The following KLHL5 variants were observed in gnomAD, a reference collection of about 807,000 sequenced individuals.
KLHL5 encodes the protein kelch like family member 5, also known as kelch-like protein 5.
A neutral mutation model predicts 77.7 loss-of-function variants in KLHL5; 48 were observed. The observed-to-expected ratio is 0.62, with a 90% CI of 0.49 to 0.79. KLHL5 has a LOEUF of 0.79. KLHL5 is among the 30% of genes least tolerant of loss of function. The pLI, the probability that KLHL5 is intolerant of heterozygous loss-of-function variation, is 0.00. For synonymous variants in KLHL5, 260 were observed against 297.0 expected (o/e 0.88, Z 1.28); for missense variants, 723 against 859.7 (o/e 0.84, Z 1.99).
chr4:39,140,696 T>A, the KLHL5 span, among the ~76,000 whole-genome samples: 1 of 152,230 alleles, frequency 6.6e-6, no homozygotes, highest in African/African-American at 2.4e-5. Context: ...TTGAAAATAA[T>A]CTACAAATAA....
rs370624027 is a variant in KLHL5, at chr4:39,125,513, A to G, written c.*4447A>G. Among the ~76,000 whole-genome samples the G allele has an allele frequency of 1.3e-5, 2 of 152,356 alleles. No individual in the cohort carries two copies. The highest frequency in any genetic ancestry group is 3.9e-4 in the East Asian group (2 of 5,188). ...ACACGGCACAATAGAATATTCAGCC[A>G]TAAAGAGAAATGAGGGACTGATACA... On this transcript the variant is annotated 3_prime_UTR_variant, in exon 11 of 11. Transcript: ENST00000504108.
chr4:39,126,182 A>C lies in KLHL5; in HGVS notation c.*5116A>C, dbSNP rs1296237640. On this transcript the variant is annotated 3_prime_UTR_variant, in exon 11 of 11. Transcript: ENST00000504108. ...TCTGTAATATTTGAAATTATTGATA[A>C]CTCTTACACAAAAACAAATATTCAA... 6.6e-6 allele frequency among the ~76,000 whole-genome samples: 1 copy of C among 152,146 alleles called. No individual in the cohort carries two copies. Among genetic ancestry groups the C allele is most frequent in the African/African-American group, 2.4e-5 (1 of 41,422 alleles).
chr4:39,078,260 C>T (rs1481011776), intron 2 of KLHL5, among the ~76,000 whole-genome samples: 1 of 152,048 alleles, frequency 6.6e-6, no homozygotes, highest in African/African-American at 2.4e-5. Context: ...GTGGCAGGTA[C>T]CTGTAATCCC....
intron 9 of KLHL5, 34 bp from the exon 10 acceptor site, chr4:39,115,125 T>G (rs1035117374): frequency 5.1e-6 from 8 of 1,577,178 alleles, no homozygotes; most frequent in Non-Finnish European, 6.9e-6. Flanking sequence ...ATTTTAAGAA[T>G]AATGTCAGCT....
At chr4:39,069,253 G>GAAATACAGT (rs1718181528) in intron 1 of KLHL5, among the ~76,000 whole-genome samples, 1 of 151,928 alleles carries the variant, frequency 6.6e-6, no homozygotes, top group Admixed American at 6.6e-5. Context: ...AGGAGGCTCA[G>GAAATACAGT]AAATACAGTC....
chr4:39,055,346 G>A (rs1004467377), intron 1 of KLHL5, among the ~76,000 whole-genome samples: 2 of 152,218 alleles, frequency 1.3e-5, no homozygotes, highest in African/African-American at 4.8e-5. Flanking sequence ...TTTTTCCTGT[G>A]GTGGACAGAC....
At chr4:39,137,678 TG>T in the KLHL5 span, among the ~76,000 whole-genome samples, 1 of 152,068 alleles carries the variant, frequency 6.6e-6, no homozygotes, top group African/African-American at 2.4e-5. Flanking sequence ...ATTCCAGAGC[TG>T]GGGCATGGAA....
intron 6 of KLHL5, among the ~76,000 whole-genome samples, chr4:39,099,099 A>G (rs1475847057): frequency 6.6e-6 from 1 of 152,080 alleles, no homozygotes; most frequent in Admixed American, 6.6e-5. Context: ...CCTGGCCAAC[A>G]TGGCGAAACC....
At chr4:39,133,123 A>G in the KLHL5 span, among the ~76,000 whole-genome samples, 1 of 151,756 alleles carries the variant, frequency 6.6e-6, no homozygotes, top group Non-Finnish European at 1.5e-5. Context: ...TCTTGTTAGT[A>G]ATAAAAATTA....
downstream of KLHL5, among the ~76,000 whole-genome samples, chr4:39,129,505 G>A (rs536913076): frequency 6.6e-6 from 1 of 152,290 alleles, no homozygotes; most frequent in East Asian, 1.9e-4. This position sits in a 1 kb window ranked among gnomAD's most constrained non-coding sequence, Gnocchi z 4.2. Context: ...ACTGTGCCTG[G>A]CTTCAACTTT....
intron 1 of KLHL5, among the ~76,000 whole-genome samples, chr4:39,072,991 T>A (rs1000124415): frequency 1.3e-5 from 2 of 152,232 alleles, no homozygotes; most frequent in African/African-American, 4.8e-5. Context: ...AGTTAATGAA[T>A]TTGTTAATTA....
chr4:39,138,103 T>G, the KLHL5 span, among the ~76,000 whole-genome samples: 1 of 149,396 alleles, frequency 6.7e-6, no homozygotes, highest in Non-Finnish European at 1.5e-5. Context: ...GAAGTGCTCC[T>G]TTTACACACA....
At chr4:39,091,865 T>TC in intron 5 of KLHL5, among the ~76,000 whole-genome samples, 1 of 147,974 alleles carries the variant, frequency 6.8e-6, no homozygotes, top group Non-Finnish European at 1.5e-5. Context: ...TTTTTTTTTT[T>TC]TGTAGAGACA....
intron 9 of KLHL5, 92 bp from the exon 10 acceptor site, chr4:39,115,067 A>G: frequency 9.2e-7 from 1 of 1,084,218 alleles, no homozygotes; most frequent in Non-Finnish European, 1.4e-6. Context: ...CATAGTAGAT[A>G]ATGAGTCAGA....
At chr4:39,106,080 C>T (rs1171570861) in intron 7 of KLHL5, among the ~76,000 whole-genome samples, 1 of 152,130 alleles carries the variant, frequency 6.6e-6, no homozygotes, top group Non-Finnish European at 1.5e-5. Flanking sequence ...GAGATAAGAT[C>T]AGAGTCCTTA....
the KLHL5 span, among the ~76,000 whole-genome samples, chr4:39,141,304 C>CTTTTT: frequency 5.3e-4 from 40 of 75,578 alleles, no homozygotes; most frequent in Non-Finnish European, 6.0e-4. Flanking sequence ...ATTTTTTAGT[C>CTTTTT]TTTTTTTTTT....
rs71643268 is a variant in KLHL5 at position 39,124,802 on chromosome 4, C to CAAAAAAAAA, written c.*3752_*3760dup. On this transcript the variant is annotated 3_prime_UTR_variant, in exon 11 of 11. Coordinates refer to ENST00000504108, the MANE Select transcript of KLHL5 (RefSeq NM_015990.5). ...GCACCAAAAGCACAAGCAACAACAG[C>CAAAAAAAAA]AAAAAAAAAAAAAAAAAAAAAAAAT... is the stretch of plus-strand genomic sequence containing the variant. Among the ~76,000 whole-genome samples, 109 of 44,018 alleles carry CAAAAAAAAA rather than the reference C, an allele frequency of 2.5e-3. No homozygotes were observed. Among genetic ancestry groups the CAAAAAAAAA allele is most frequent in the African/African-American group, 5.4e-3 (73 of 13,506 alleles). The allele number at this position is 44,018 out of a possible 152,430, so 28.9% of individuals were successfully genotyped here. A position where few individuals can be genotyped will look rare whatever the true frequency, so the allele number is the denominator to read the frequency against.
At chr4:39,143,015 TGTG>T in the KLHL5 span, among the ~76,000 whole-genome samples, 3 of 152,058 alleles carry the variant, frequency 2.0e-5, no homozygotes, top group African/African-American at 7.2e-5. Context: ...AGGCTATGGA[TGTG>T]GTAAAAGTGT....
At chr4:39,057,617 A>T (rs897715546), upstream of KLHL5, among the ~76,000 whole-genome samples, 6 of 152,172 alleles carry the variant, frequency 3.9e-5, no homozygotes, top group Non-Finnish European at 8.8e-5. Context: ...AGTATCCCTG[A>T]ATTATTAAAC....
Sources: allele counts gnomAD v4.1 joint callset (sites outside exome capture counted in the v4.1 genomes callset), GRCh38; gene constraint gnomAD v4.1.1; non-coding constraint Gnocchi (gnomAD v3.1); transcripts MANE v1.5; gene names NCBI Gene and HGNC (gene_info 2026-07-23, HGNC 2026-07-21).